The following ZFPM2 variants were observed in gnomAD, a reference collection of about 807,000 sequenced individuals.
ZFPM2 encodes zinc finger protein ZFPM2.
In ZFPM2, 20 loss-of-function variants were observed where a neutral mutation model predicts 98.6. The ratio of observed to expected loss-of-function variants is 0.20; its 90% CI spans 0.14 to 0.29. ZFPM2 has a LOEUF of 0.29. ZFPM2 is among the 10% of genes least tolerant of loss of function. The pLI is 1.00. For missense variants in ZFPM2, 1,310 were observed against 1,388.6 expected, an observed-to-expected ratio of 0.94 and a Z score of 0.90; for synonymous variants, 518 against 502.7, an observed-to-expected ratio of 1.03 and a Z score of -0.41.
chr8:105,431,436 T>C (rs1374793384), intron 2 of ZFPM2, among the ~76,000 whole-genome samples: 1 of 152,208 alleles, frequency 6.6e-6, no homozygotes, highest in African/African-American at 2.4e-5. Context: ...TAAATATTTA[T>C]TGAACACCTG....
At chr8:105,399,283 G>T (rs1811286703) in intron 1 of ZFPM2, among the ~76,000 whole-genome samples, 1 of 152,184 alleles carries the variant, frequency 6.6e-6, no homozygotes, top group African/African-American at 2.4e-5. Context: ...TGGCTGGAAT[G>T]GGTTCCTGCA....
intron 3 of ZFPM2, among the ~76,000 whole-genome samples, chr8:105,536,227 T>C (rs1814447516): frequency 1.3e-5 from 2 of 152,180 alleles, no homozygotes; most frequent in South Asian, 4.1e-4. Flanking sequence ...CTATTTTAAT[T>C]TTACTGCTTA....
intron 2 of ZFPM2, among the ~76,000 whole-genome samples, chr8:105,434,287 G>A (rs1412341915): frequency 2.0e-5 from 3 of 151,882 alleles, no homozygotes; most frequent in African/African-American, 7.3e-5. Context: ...TGGTAACATA[G>A]AGTTAATTTA....
chr8:105,652,546 A>G (rs924444004), intron 5 of ZFPM2, among the ~76,000 whole-genome samples: 10 of 152,010 alleles, frequency 6.6e-5, no homozygotes, highest in African/African-American at 1.2e-4. Context: ...TTGAAATTCA[A>G]TGACAGTAAA....
intron 3 of ZFPM2, among the ~76,000 whole-genome samples, chr8:105,456,155 TGTTTGTTTG>T (rs1460732052): frequency 2.6e-4 from 30 of 116,720 alleles, no homozygotes; most frequent in Admixed American, 5.4e-4. Flanking sequence ...TGTTTTTTTT[TGTTTGTTTG>T]TTTGTTTTTT....
chr8:105,723,021 T>A (rs1424176493), intron 5 of ZFPM2, among the ~76,000 whole-genome samples: 1 of 151,934 alleles, frequency 6.6e-6, no homozygotes, highest in African/African-American at 2.4e-5. Context: ...CTGGCACATC[T>A]TCTTCCTCAT....
At chr8:105,535,962 T>TTACC (rs1441128465) in intron 3 of ZFPM2, among the ~76,000 whole-genome samples, 1 of 152,192 alleles carries the variant, frequency 6.6e-6, no homozygotes, top group East Asian at 1.9e-4. Flanking sequence ...AATACTTTAA[T>TTACC]TAGAGATGGG....
At chr8:105,606,362 C>A (rs1028519414) in intron 4 of ZFPM2, among the ~76,000 whole-genome samples, 1 of 151,820 alleles carries the variant, frequency 6.6e-6, no homozygotes, top group Non-Finnish European at 1.5e-5. Flanking sequence ...ATTTCCATAT[C>A]TTTTTTTCAT....
intron 3 of ZFPM2, among the ~76,000 whole-genome samples, chr8:105,546,851 T>G (rs1222242482): frequency 6.6e-6 from 1 of 152,256 alleles, no homozygotes; most frequent in Non-Finnish European, 1.5e-5. Context: ...AATTCCCACT[T>G]TTAATGATTT....
At position 105,330,374 on chromosome 8, in the gene ZFPM2, G is replaced by C. The variant is rs1368348397; in HGVS notation, c.40+11393G>C. Among the ~76,000 whole-genome samples, 17 of 150,878 alleles carry C rather than the reference G, an allele frequency of 1.1e-4. No individual in the cohort carries two copies. In the Admixed American group the frequency reaches 1.1e-3, roughly 10 times the overall value. Reference sequence around the variant, plus strand: ...AGTGGAATATTGCCTGAAAACACTTGTGCCAGAACCTGAAGTGGTACTCAT... The same window carrying C: ...AGTGGAATATTGCCTGAAAACACTTCTGCCAGAACCTGAAGTGGTACTCAT... On this transcript the variant is annotated intron_variant, in intron 1 of 7. Transcript: ENST00000407775.
chr8:105,550,195 A>G (rs1814818697), intron 3 of ZFPM2, among the ~76,000 whole-genome samples: 1 of 152,038 alleles, frequency 6.6e-6, no homozygotes, highest in African/African-American at 2.4e-5. Flanking sequence ...TTGTTTGTTT[A>G]ATCTTTCCTA....
intron 1 of ZFPM2, among the ~76,000 whole-genome samples, chr8:105,327,575 AAT>A (rs1457801840): frequency 6.6e-6 from 1 of 151,712 alleles, no homozygotes; most frequent in African/African-American, 2.4e-5. Context: ...ATACAGAAAA[AAT>A]AGCTAAAAAT....
At chr8:105,782,868 A>G (rs1813290492) in intron 5 of ZFPM2, among the ~76,000 whole-genome samples, 2 of 152,144 alleles carry the variant, frequency 1.3e-5, no homozygotes, top group Non-Finnish European at 2.9e-5. Context: ...AATTTGGGGC[A>G]TATTAAGCAT....
chr8:105,687,899 G>A (rs1223432186), intron 5 of ZFPM2, among the ~76,000 whole-genome samples: 1 of 151,950 alleles, frequency 6.6e-6, no homozygotes, highest in African/African-American at 2.4e-5. Context: ...AGAATACATA[G>A]TATATTGAAT....
chr8:105,588,383 G>C (rs1407576415), intron 4 of ZFPM2, among the ~76,000 whole-genome samples: 1 of 151,814 alleles, frequency 6.6e-6, no homozygotes, highest in Non-Finnish European at 1.5e-5. Context: ...GGATGACACA[G>C]AGAATATTTT....
At chr8:105,439,461 G>T (rs1193992803) in intron 2 of ZFPM2, among the ~76,000 whole-genome samples, 2 of 152,146 alleles carry the variant, frequency 1.3e-5, no homozygotes, top group Non-Finnish European at 2.9e-5. Flanking sequence ...CCTTTATGAT[G>T]CCATAGCCCT....
intron 1 of ZFPM2, among the ~76,000 whole-genome samples, chr8:105,406,034 T>C (rs1352697234): frequency 2.0e-5 from 3 of 152,204 alleles, no homozygotes; most frequent in Non-Finnish European, 4.4e-5. Flanking sequence ...TGGCCAGTGA[T>C]GGTGAGCATT....
chr8:105,442,348 CAAAACA>C (rs948658447), intron 2 of ZFPM2, among the ~76,000 whole-genome samples: 9 of 151,814 alleles, frequency 5.9e-5, no homozygotes, highest in Non-Finnish European at 1.3e-4. Flanking sequence ...CGTCTCAAAG[CAAAACA>C]AAAACAAAAA....
chr8:105,539,237 A>G lies in ZFPM2; in HGVS notation c.302-22126A>G, dbSNP rs145622959. 2.4e-3 allele frequency among the ~76,000 whole-genome samples: 368 copies of G among 152,262 alleles called. 3 individuals are homozygous for G. The highest frequency in any genetic ancestry group is 8.5e-3 in the African/African-American group (355 of 41,564). ...TTACAAAATGTCTGTATTCTGTACTATGGTGGTAGATGAATTACATTTTGT... is the reference window on the plus strand; with the variant it reads ...TTACAAAATGTCTGTATTCTGTACTGTGGTGGTAGATGAATTACATTTTGT... On this transcript the variant is annotated intron_variant, in intron 3 of 7. Transcript: ENST00000407775.
Sources: allele counts gnomAD v4.1 joint callset (sites outside exome capture counted in the v4.1 genomes callset), GRCh38; gene constraint gnomAD v4.1.1; transcripts MANE v1.5; gene names NCBI Gene and HGNC (gene_info 2026-07-23, HGNC 2026-07-21).